TSPEAR: variants seen among roughly 807,000 people sequenced by gnomAD.
TSPEAR encodes thrombospondin type laminin G domain and EAR repeats.
In TSPEAR, 69 loss-of-function variants were observed where a neutral mutation model predicts 71.6. That is an observed-to-expected ratio of 0.96 (90% CI 0.79 to 1.18). The LOEUF (loss-of-function observed/expected upper bound fraction) is 1.18, where lower values mean the gene tolerates loss of function less well. TSPEAR is among the 50% of genes most tolerant of loss of function. The pLI is 0.00. For synonymous variants in TSPEAR, 402 were observed against 387.2 expected (o/e 1.04, Z -0.45); for missense variants, 971 against 894.9 (o/e 1.09, Z -1.09).
intron 9 of TSPEAR, among the ~76,000 whole-genome samples, chr21:44,511,247 TACCTGCAC>T (rs1309234048): frequency 1.3e-5 from 2 of 152,126 alleles, no homozygotes; most frequent in Non-Finnish European, 2.9e-5. Flanking sequence ...CACAGGCCCA[TACCTGCAC>T]ACCTGCATGT....
rs1268902887 is a variant in TSPEAR, at chr21:44,533,874, A to T, written c.353T>A (p.Leu118Gln). Residue 118 changes from leucine to glutamine, a missense_variant, in exon 3 of 12, where the codon CTG becomes CAG. Coordinates refer to ENST00000323084, the MANE Select transcript of TSPEAR (RefSeq NM_144991.3). The stretch of plus-strand genomic sequence containing the variant: ...GGCAGGTGACAACCGCAGGCCGAGC[A>T]GCAGCAGGTCGCTCTCCTCTGCCAC... ...TVVAEESDLL[L>Q]LGLRLSPAQL... 2 of 1,612,152 alleles carry T rather than the reference A, an allele frequency of 1.2e-6. No homozygotes were observed. The highest frequency in any genetic ancestry group is 2.7e-5 in the African/African-American group (2 of 74,798).
rs782401150 is a variant in TSPEAR, at chr21:44,539,999, C to T, written c.304-6076G>A. On this transcript the variant is annotated intron_variant, in intron 2 of 11. Coordinates refer to ENST00000323084, the MANE Select transcript of TSPEAR (RefSeq NM_144991.3). ...CTGGCAGCAGGGGCTGGACACACGG[C>T]TCACTGGGGTGCAGACCAGGGTCAG... is the stretch of plus-strand genomic sequence containing the variant. 3 of 1,613,104 alleles carry T rather than the reference C, an allele frequency of 1.9e-6. No individual in the cohort carries two copies. In the South Asian group the frequency reaches 3.3e-5, roughly 18 times the overall value.
Position 44,533,880 on chromosome 21 carries a change from A to C in TSPEAR, c.347T>G (p.Leu116Arg), listed in dbSNP as rs1555916055. 1 of 1,610,340 alleles carries C rather than the reference A, an allele frequency of 6.2e-7. No individual in the cohort carries two copies. The highest frequency in any genetic ancestry group is 8.5e-7 in the Non-Finnish European group (1 of 1,178,872). The change falls in exon 3 of 12, where the codon CTG (leucine) becomes CGG (arginine). Residue 116 changes from leucine (L) to arginine (R), a missense_variant. By Grantham distance (102) the Leu-to-Arg change is moderately radical. Coordinates refer to ENST00000323084, the MANE Select transcript of TSPEAR (RefSeq NM_144991.3). Reference protein sequence around the residue: ...LLTVVAEESDLLLLGLRLSPA... With the variant: ...LLTVVAEESDRLLLGLRLSPA... ...TGACAACCGCAGGCCGAGCAGCAGC[A>C]GGTCGCTCTCCTCTGCCACCACCGT...
intron 1 of TSPEAR, among the ~76,000 whole-genome samples, chr21:44,626,025 G>C (rs367876765): frequency 2.6e-5 from 4 of 152,182 alleles, no homozygotes; most frequent in Admixed American, 6.5e-5. Context: ...GTGGGGACAG[G>C]TCTGACCCAG....
chr21:44,590,377 C>T (rs1979700174), intron 1 of TSPEAR, among the ~76,000 whole-genome samples: 1 of 152,052 alleles, frequency 6.6e-6, no homozygotes, highest in South Asian at 2.1e-4. Context: ...GGACAGGGTC[C>T]TCGGGGTCAG....
chr21:44,530,682 C>T (rs767234844), intron 4 of TSPEAR, among the ~76,000 whole-genome samples: 9 of 152,248 alleles, frequency 5.9e-5, no homozygotes, highest in Non-Finnish European at 1.3e-4. Context: ...GAGGTCCCCA[C>T]TCACACGTGA....
intron 1 of TSPEAR, chr21:44,676,070 G>A (rs1986299006): frequency 6.9e-6 from 6 of 871,452 alleles, no homozygotes; most frequent in Middle Eastern, 2.4e-4. Context: ...GGAGGCATAT[G>A]ACAGTAATTT....
chr21:44,669,501 C>G (rs1569249950), intron 1 of TSPEAR, among the ~76,000 whole-genome samples: 1 of 152,196 alleles, frequency 6.6e-6, no homozygotes, highest in African/African-American at 2.4e-5. Flanking sequence ...CTCCTCCACC[C>G]CTCAGCATCA....
At chr21:44,609,533 G>T (rs1384084153) in intron 1 of TSPEAR, among the ~76,000 whole-genome samples, 1 of 152,220 alleles carries the variant, frequency 6.6e-6, no homozygotes, top group Non-Finnish European at 1.5e-5. Context: ...CAGGAAACCT[G>T]TGTACCAGGC....
chr21:44,565,936 G>A (rs1377606465), intron 2 of TSPEAR, among the ~76,000 whole-genome samples: 4 of 152,204 alleles, frequency 2.6e-5, no homozygotes, highest in African/African-American at 7.2e-5. Flanking sequence ...TTCAGGCCAG[G>A]TGTGGTAGCT....
chr21:44,568,151 G>C, intron 1 of TSPEAR, 146 bp from the exon 2 acceptor site: 1 of 502,976 alleles, frequency 2.0e-6, no homozygotes, highest in Non-Finnish European at 3.2e-6. Context: ...GGTTATCTCT[G>C]TTTCAGTGGT....
At chr21:44,702,347 G>A (rs1987691883) in intron 1 of TSPEAR, 1 of 1,465,768 alleles carries the variant, frequency 6.8e-7, no homozygotes, top group African/African-American at 1.8e-5. Flanking sequence ...ACCCCAGTGA[G>A]CTGTGTGTCC....
Position 44,516,693 on chromosome 21 carries a change from CTA to C in TSPEAR, c.1566+5188_1566+5189del, listed in dbSNP as rs2052583051. On this transcript the variant is annotated intron_variant, in intron 9 of 11. Coordinates refer to ENST00000323084, the MANE Select transcript of TSPEAR (RefSeq NM_144991.3). The stretch of plus-strand genomic sequence containing the variant: ...ATGGCACCACCCACCCAGGCGATTT[CTA>C]TGTCGGGATGACCAACTGTGCCATC... 3 of 152,234 alleles carry C rather than the reference CTA, an allele frequency of 2.0e-5. No individual in the cohort carries two copies. The South Asian group carries it at 6.2e-4, about 32-fold the overall frequency. 9.4% of individuals were successfully genotyped at this position (152,234 alleles called of 1,614,324 possible). A position where few individuals can be genotyped will look rare whatever the true frequency, so the allele number is the denominator to read the frequency against.
intron 8 of TSPEAR, among the ~76,000 whole-genome samples, chr21:44,523,581 T>A (rs1453980249): frequency 1.3e-5 from 2 of 151,838 alleles, no homozygotes; most frequent in African/African-American, 4.8e-5. Context: ...AGGTCGTCAG[T>A]CAGTCAGTTC....
At chr21:44,622,816 T>G (rs945418507) in intron 1 of TSPEAR, among the ~76,000 whole-genome samples, 2 of 152,186 alleles carry the variant, frequency 1.3e-5, no homozygotes, top group Non-Finnish European at 1.5e-5. Context: ...CCCTGCCAAA[T>G]CTCATGTTGA....
intron 2 of TSPEAR, among the ~76,000 whole-genome samples, chr21:44,549,617 C>T (rs1453197077): frequency 2.0e-5 from 3 of 152,250 alleles, no homozygotes; most frequent in Admixed American, 6.5e-5. Context: ...TCATACCTCG[C>T]CAGCATCCCT....
At chr21:44,580,246 G>A in intron 1 of TSPEAR, 1 of 1,613,798 alleles carries the variant, frequency 6.2e-7, no homozygotes, top group Non-Finnish European at 8.5e-7. Flanking sequence ...TAGACTGCTG[G>A]CAGCATGAAG....
At chr21:44,708,974 G>C (rs1988078216) in intron 1 of TSPEAR, among the ~76,000 whole-genome samples, 1 of 152,242 alleles carries the variant, frequency 6.6e-6, no homozygotes, top group South Asian at 2.1e-4. Flanking sequence ...AGGCCTCACT[G>C]AGCAGGGTCC....
intron 1 of TSPEAR, among the ~76,000 whole-genome samples, chr21:44,579,119 G>T (rs1304975537): frequency 6.6e-6 from 1 of 152,178 alleles, no homozygotes; most frequent in Non-Finnish European, 1.5e-5. Flanking sequence ...AGGCTGCGGT[G>T]CCCGGACCCC....
Sources: gnomAD v4.1 joint callset for allele counts (sites outside exome capture counted in the v4.1 genomes callset) on GRCh38, gnomAD v4.1.1 for gene constraint, MANE v1.5 for transcripts, NCBI Gene and HGNC (gene_info 2026-07-23, HGNC 2026-07-21) for gene names.